The following FOXN3 variants were observed in gnomAD, a reference collection of about 807,000 sequenced individuals.
FOXN3 encodes the protein forkhead box N3, also known as forkhead box protein N3.
FOXN3 carries 7 observed loss-of-function variants against 38.4 expected under a neutral mutation model. That is an observed-to-expected ratio of 0.18 (90% CI 0.10 to 0.34). FOXN3 has a LOEUF of 0.34. Ranked by LOEUF, FOXN3 falls within the 10% of genes least tolerant of loss-of-function variation. The probability of loss-of-function intolerance (pLI) is 1.00; values close to 1 mark genes in which losing one functional copy is unlikely to be tolerated. For missense variants in FOXN3, 456 were observed against 613.4 expected (o/e 0.74, Z 2.71); for synonymous variants, 230 against 242.2 (o/e 0.95, Z 0.47).
chr14:89,172,030 T>C (rs1264853793), intron 5 of FOXN3, among the ~76,000 whole-genome samples: 2 of 152,168 alleles, frequency 1.3e-5, no homozygotes, highest in East Asian at 3.8e-4. Flanking sequence ...AAATCAATAA[T>C]GTGAAATAAA....
At chr14:89,525,631 TAA>T (rs55848557) in intron 1 of FOXN3, among the ~76,000 whole-genome samples, 52,316 of 123,568 alleles carry the variant, frequency 0.42, 9,579 homozygotes, top group East Asian at 0.61. Context: ...TTGTTTTCAC[TAA>T]AAAAAAAAAA....
Position 89,233,669 on chromosome 14 carries a change from G to T in FOXN3, c.745+47281C>A, listed in dbSNP as rs1040457257. On this transcript the variant is annotated intron_variant, in intron 4 of 5. Transcript: ENST00000557258. ...AATTCTGTGCCCAAGAAAATTTTCA[G>T]AAGTGAGAACCACAGAATCTGGAGT... 3.3e-5 allele frequency among the ~76,000 whole-genome samples: 5 copies of T among 152,258 alleles called. No individual in the cohort carries two copies. In the East Asian group the frequency reaches 9.6e-4, roughly 29 times the overall value.
chr14:89,255,629 T>G (rs921549229), intron 4 of FOXN3, among the ~76,000 whole-genome samples: 2 of 152,122 alleles, frequency 1.3e-5, no homozygotes, highest in Non-Finnish European at 2.9e-5. Flanking sequence ...AAATTGCACA[T>G]GTCTGTTTGG....
At chr14:89,533,491 G>A (rs1344378680) in intron 1 of FOXN3, among the ~76,000 whole-genome samples, 1 of 151,944 alleles carries the variant, frequency 6.6e-6, no homozygotes, top group South Asian at 2.1e-4. Context: ...GTGAAACCTC[G>A]TCTCTACTAA....
intron 4 of FOXN3, among the ~76,000 whole-genome samples, chr14:89,273,437 C>T (rs145132225): frequency 2.5e-4 from 38 of 152,252 alleles, no homozygotes; most frequent in African/African-American, 8.7e-4. Context: ...TTACTATAGA[C>T]GGGTAGCGGG....
intron 1 of FOXN3, among the ~76,000 whole-genome samples, chr14:89,593,107 G>GGA (rs894577792): frequency 2.2e-5 from 3 of 138,528 alleles, no homozygotes; most frequent in South Asian, 2.4e-4. Context: ...AGGAAAGAAA[G>GGA]GAGAGAGAGA....
chr14:89,267,341 C>T (rs574529182), intron 4 of FOXN3, among the ~76,000 whole-genome samples: 83 of 152,290 alleles, frequency 5.5e-4, no homozygotes, highest in Middle Eastern at 3.4e-3. Flanking sequence ...GGCCAGGATC[C>T]CTGGCGCTGC....
At chr14:89,560,159 C>G in intron 1 of FOXN3, among the ~76,000 whole-genome samples, 1 of 152,084 alleles carries the variant, frequency 6.6e-6, no homozygotes, top group East Asian at 1.9e-4. Context: ...GAGTGCTACC[C>G]AGCTTTAAAT....
At chr14:89,513,583 G>T (rs1894140763) in intron 1 of FOXN3, among the ~76,000 whole-genome samples, 1 of 151,412 alleles carries the variant, frequency 6.6e-6, no homozygotes, top group South Asian at 2.1e-4. Flanking sequence ...GAGTTTGTTT[G>T]TATTTTTATT....
At position 89,256,231 on chromosome 14, in the gene FOXN3, C is replaced by T. The variant is rs77687423; in HGVS notation, c.745+24719G>A. 5.4e-4 allele frequency among the ~76,000 whole-genome samples: 82 copies of T among 152,290 alleles called. No individual in the cohort carries two copies. The East Asian group carries it at 0.015, about 28-fold the overall frequency. On this transcript the variant is annotated intron_variant, in intron 4 of 5. Coordinates refer to ENST00000557258, the MANE Select transcript of FOXN3 (RefSeq NM_005197.4). Reference sequence around the variant, plus strand: ...ATGAATAACTGGCATAAAAAAGGCTCTCCACACAATATGCTTCAAACTCTC... The same window carrying T: ...ATGAATAACTGGCATAAAAAAGGCTTTCCACACAATATGCTTCAAACTCTC...
At chr14:89,616,575 G>C (rs1031696496) in intron 1 of FOXN3, among the ~76,000 whole-genome samples, 1 of 128,614 alleles carries the variant, frequency 7.8e-6, no homozygotes, top group Admixed American at 1.0e-4. Context: ...CCACCAGTCT[G>C]TAAGTTCCAT....
intron 5 of FOXN3, among the ~76,000 whole-genome samples, chr14:89,171,716 A>G (rs373654944): frequency 5.9e-5 from 9 of 152,222 alleles, no homozygotes; most frequent in African/African-American, 2.2e-4. Context: ...ATATCACAGC[A>G]AAGTATGAAT....
intron 1 of FOXN3, among the ~76,000 whole-genome samples, chr14:89,427,899 A>G (rs1439688665): frequency 6.6e-6 from 1 of 151,970 alleles, no homozygotes; most frequent in Admixed American, 6.6e-5. Flanking sequence ...TATTAACTCT[A>G]CAGATCAGTC....
intron 2 of FOXN3, among the ~76,000 whole-genome samples, chr14:89,410,770 G>C (rs1053179781): frequency 6.6e-6 from 1 of 151,894 alleles, no homozygotes; most frequent in Non-Finnish European, 1.5e-5. Flanking sequence ...CTTGTTCGAA[G>C]GCTGAGATGC....
rs576139226 is a variant in FOXN3, at chr14:89,205,834, C to T, written c.746-25028G>A. On this transcript the variant is annotated intron_variant, in intron 4 of 5. Coordinates refer to ENST00000557258, the MANE Select transcript of FOXN3 (RefSeq NM_005197.4). Reference sequence around the variant, plus strand: ...GGTCAGGGGCCAAAAACGCTCCCCACGACCTTCCCGTCTGCATGCTCCCCT... The same window carrying T: ...GGTCAGGGGCCAAAAACGCTCCCCATGACCTTCCCGTCTGCATGCTCCCCT... Among the ~76,000 whole-genome samples the T allele has an allele frequency of 1.7e-3, 252 of 152,362 alleles. 1 individual carries two copies. Among genetic ancestry groups the T allele is most frequent in the South Asian group, 3.1e-3 (15 of 4,826 alleles).
intron 1 of FOXN3, among the ~76,000 whole-genome samples, chr14:89,489,755 C>T (rs1424655615): frequency 6.6e-6 from 1 of 152,208 alleles, no homozygotes; most frequent in African/African-American, 2.4e-5. Context: ...GCTTTATTCC[C>T]TTAACAGGCT....
intron 3 of FOXN3, among the ~76,000 whole-genome samples, chr14:89,346,210 T>C (rs1301672666): frequency 3.3e-5 from 5 of 152,256 alleles, no homozygotes; most frequent in African/African-American, 1.2e-4. Flanking sequence ...GTTGGTTCCA[T>C]ATCTTTGCAG....
intron 1 of FOXN3, among the ~76,000 whole-genome samples, chr14:89,455,855 A>C (rs1892710775): frequency 6.6e-6 from 1 of 152,158 alleles, no homozygotes; most frequent in Non-Finnish European, 1.5e-5. Flanking sequence ...ATAAATAATT[A>C]AGCTTCCTTA....
intron 1 of FOXN3, among the ~76,000 whole-genome samples, chr14:89,512,608 C>T (rs1248047395): frequency 2.6e-5 from 4 of 152,218 alleles, no homozygotes; most frequent in Non-Finnish European, 5.9e-5. Flanking sequence ...CTTCCCGGTA[C>T]GGGGAGGCCA....
Sources: allele counts gnomAD v4.1 joint callset (sites outside exome capture counted in the v4.1 genomes callset), GRCh38; gene constraint gnomAD v4.1.1; transcripts MANE v1.5; gene names NCBI Gene and HGNC (gene_info 2026-07-23, HGNC 2026-07-21).